RBFOX3: variants seen among roughly 807,000 people sequenced by gnomAD.
The protein encoded by RBFOX3 is RNA binding fox-1 homolog 3.
Under a neutral mutation model 48.7 loss-of-function variants are expected in RBFOX3, and 17 were observed. The observed-to-expected ratio is 0.35, with a 90% confidence interval of 0.24 to 0.52. The LOEUF (loss-of-function observed/expected upper bound fraction) is 0.52. Among genes scored for constraint, RBFOX3 ranks in the 20% least tolerant of loss-of-function variants. The pLI, the probability that RBFOX3 is intolerant of heterozygous loss-of-function variation, is 0.94. For synonymous variants in RBFOX3, 212 were observed against 209.5 expected (o/e 1.01, Z -0.10); for missense variants, 382 against 497.5 (o/e 0.77, Z 2.21).
chr17:79,498,200 C>G (rs922516881), intron 1 of RBFOX3, among the ~76,000 whole-genome samples: 14 of 152,220 alleles, frequency 9.2e-5, no homozygotes, highest in African/African-American at 3.4e-4. Context: ...TCAGTATGCT[C>G]TCCCTCAGGG....
In RBFOX3 at chr17:79,509,498, C is replaced by T. The variant is rs1386305191; in HGVS notation, c.-319-26900G>A. 3.3e-5 allele frequency among the ~76,000 whole-genome samples: 5 copies of T among 152,118 alleles called. No homozygotes were observed. In the East Asian group the frequency reaches 5.8e-4, roughly 18 times the overall value. The stretch of plus-strand genomic sequence containing the variant: ...GGAAACTGACCGATGCTCAGGCCGA[C>T]GGAGTCTGAGTCCAGGGCAGGCAGG... On this transcript the variant is annotated intron_variant, in intron 1 of 14. Transcript: ENST00000693108.
chr17:79,594,655 G>A (rs1025868775), intron 1 of RBFOX3, among the ~76,000 whole-genome samples: 1 of 152,252 alleles, frequency 6.6e-6, no homozygotes, highest in Non-Finnish European at 1.5e-5. Flanking sequence ...TGTGAGCAGA[G>A]CCAATTTTTT....
intron 1 of RBFOX3, among the ~76,000 whole-genome samples, chr17:79,586,978 A>G (rs2093270181): frequency 6.6e-6 from 1 of 152,248 alleles, no homozygotes; most frequent in African/African-American, 2.4e-5. Context: ...ATAACTGGGA[A>G]AAATTCCACA....
At chr17:79,273,806 G>A (rs1185648143) in intron 3 of RBFOX3, among the ~76,000 whole-genome samples, 1 of 152,202 alleles carries the variant, frequency 6.6e-6, no homozygotes, top group Non-Finnish European at 1.5e-5. Flanking sequence ...TGGGCTGCAG[G>A]GAGCCCGTGC....
intron 2 of RBFOX3, among the ~76,000 whole-genome samples, chr17:79,342,107 C>T (rs902611576): frequency 1.3e-5 from 2 of 152,224 alleles, no homozygotes; most frequent in African/African-American, 2.4e-5. Context: ...TCCCTCACCT[C>T]GTGGTGCAGC....
chr17:79,358,244 C>T (rs531402015), intron 2 of RBFOX3, among the ~76,000 whole-genome samples: 92 of 152,062 alleles, frequency 6.1e-4, no homozygotes, highest in African/African-American at 2.1e-3. Context: ...TGTGCCTGGC[C>T]CCAAAGAAGC....
rs539141360 is a variant in RBFOX3 at position 79,103,303 on chromosome 17, G to A, written c.415-49C>T. Reference sequence around the variant, plus strand: ...ACAGGCACGGAGAGGAGGACACAGGGCGAGAAAGAGGAGGAAGACGAGGAA... The same window carrying A: ...ACAGGCACGGAGAGGAGGACACAGGACGAGAAAGAGGAGGAAGACGAGGAA... On this transcript the variant is annotated intron_variant, in intron 7 of 14. Transcript: ENST00000693108. This position sits in a 1 kb window ranked among gnomAD's most constrained non-coding sequence, Gnocchi z 6.1. 3.7e-4 allele frequency: 487 copies of A among 1,303,762 alleles called. 10 individuals are homozygous for A. The East Asian group carries it at 0.012, about 33-fold the overall frequency. 80.8% of individuals were successfully genotyped at this position (1,303,762 alleles called of 1,614,324 possible).
rs2091933692 is a variant in RBFOX3 at position 79,558,370 on chromosome 17, C to T, written c.-320+52456G>A. On this transcript the variant is annotated intron_variant, in intron 1 of 14. Transcript: ENST00000693108. The stretch of plus-strand genomic sequence containing the variant: ...GTGTGCATGAGAGCCAACCCAGTGT[C>T]TGGTGACTGGCAGACAGCAGGGAAC... Among the ~76,000 whole-genome samples, 7 of 152,348 alleles carry T rather than the reference C, an allele frequency of 4.6e-5. 1 individual carries two copies. In the South Asian group the frequency reaches 1.5e-3, roughly 32 times the overall value.
At chr17:79,346,981 G>A (rs552302726) in intron 2 of RBFOX3, among the ~76,000 whole-genome samples, 2 of 151,064 alleles carry the variant, frequency 1.3e-5, no homozygotes, top group African/African-American at 4.9e-5. Flanking sequence ...CTATGTAAAT[G>A]ATCATATCAT....
At chr17:79,464,991 C>T (rs1257935119) in intron 2 of RBFOX3, among the ~76,000 whole-genome samples, 1 of 152,258 alleles carries the variant, frequency 6.6e-6, no homozygotes, top group East Asian at 1.9e-4. Context: ...GCTCTGAGCC[C>T]CCACCTGCCA....
At chr17:79,283,659 G>A (rs563699354) in intron 3 of RBFOX3, among the ~76,000 whole-genome samples, 14 of 152,344 alleles carry the variant, frequency 9.2e-5, no homozygotes, top group African/African-American at 3.1e-4. Flanking sequence ...GAGGATGCCT[G>A]GGCAGCCCAG....
At chr17:79,540,647 G>A (rs987204496) in intron 1 of RBFOX3, among the ~76,000 whole-genome samples, 6 of 152,232 alleles carry the variant, frequency 3.9e-5, no homozygotes, top group Non-Finnish European at 7.3e-5. Flanking sequence ...ACATACCGCC[G>A]TGGTGCACAG....
In RBFOX3 at chr17:79,465,203, G is replaced by A. The variant is rs1162402786; in HGVS notation, c.-175+17251C>T. On this transcript the variant is annotated intron_variant, in intron 2 of 14. Transcript: ENST00000693108. ...TCCCGAGGCGGCCTCCCCTCACCCC[G>A]ACACGGGAGCTGACATTGTGCATTC... is the stretch of plus-strand genomic sequence containing the variant. Among the ~76,000 whole-genome samples, 25 of 152,152 alleles carry A rather than the reference G, an allele frequency of 1.6e-4. 1 individual carries two copies. Among genetic ancestry groups the A allele is most frequent in the Non-Finnish European group, 1.5e-5 (1 of 68,024 alleles).
At chr17:79,602,785 C>T (rs2093735253) in intron 1 of RBFOX3, among the ~76,000 whole-genome samples, 1 of 152,100 alleles carries the variant, frequency 6.6e-6, no homozygotes, top group African/African-American at 2.4e-5. Context: ...TCAGCCTGCG[C>T]GGTAAGCGAT....
At chr17:79,453,099 G>A (rs1276613453) in intron 2 of RBFOX3, among the ~76,000 whole-genome samples, 2 of 152,238 alleles carry the variant, frequency 1.3e-5, no homozygotes, top group African/African-American at 4.8e-5. Flanking sequence ...TTCTGCAGCA[G>A]TCCTCAACCT....
chr17:79,288,814 C>A (rs911238490), intron 3 of RBFOX3, among the ~76,000 whole-genome samples: 16 of 152,102 alleles, frequency 1.1e-4, no homozygotes, highest in African/African-American at 3.9e-4. Context: ...CCCCAATAAC[C>A]TCTCTGATTT....
At chr17:79,541,875 G>T (rs1203217088) in intron 1 of RBFOX3, among the ~76,000 whole-genome samples, 2 of 151,878 alleles carry the variant, frequency 1.3e-5, no homozygotes, top group Admixed American at 6.6e-5. Context: ...CACCAGTTTC[G>T]AGGGCAGAGT....
the RBFOX3 span, among the ~76,000 whole-genome samples, chr17:79,623,932 G>C: frequency 2.0e-5 from 3 of 152,122 alleles, no homozygotes; most frequent in Non-Finnish European, 4.4e-5. Flanking sequence ...CAGGGTGAGG[G>C]CTTCCATCTT....
At chr17:79,301,165 G>A (rs2075252868) in intron 3 of RBFOX3, among the ~76,000 whole-genome samples, 1 of 152,212 alleles carries the variant, frequency 6.6e-6, no homozygotes, top group South Asian at 2.1e-4. Context: ...GAGCCTCAGA[G>A]GCCACTCTCT....
Sources: allele counts gnomAD v4.1 joint callset (sites outside exome capture counted in the v4.1 genomes callset), GRCh38; gene constraint gnomAD v4.1.1; non-coding constraint Gnocchi (gnomAD v3.1); transcripts MANE v1.5; gene names NCBI Gene and HGNC (gene_info 2026-07-23, HGNC 2026-07-21).